PSAP: variants seen among roughly 807,000 people sequenced by gnomAD.
The protein encoded by PSAP is prosaposin.
In PSAP, 25 loss-of-function variants were observed where a neutral mutation model predicts 66.0. The ratio of observed to expected loss-of-function variants is 0.38; its 90% confidence interval spans 0.28 to 0.53. The LOEUF is 0.53. Among genes scored for constraint, PSAP ranks in the 20% least tolerant of loss-of-function variants. The pLI is 0.83. For missense variants in PSAP, 649 were observed against 668.8 expected (o/e 0.97, Z 0.33); for synonymous variants, 273 against 258.9 (o/e 1.05, Z -0.52).
At position 71,819,559 on chromosome 10, in the gene PSAP, A is replaced by G. The variant is rs1474118076; in HGVS notation, c.1256T>C (p.Leu419Ser). ...GCTGTTTTTCTCCAGGTTGCGATCC[A>G]AATAACCCACCAGCTTCTTGCACAC... ...CEVCKKLVGY[L>S]DRNLEKNSTK... Residue 419 changes from leucine (L) to serine (S), a missense_variant, in exon 11 of 14, where the codon TTG becomes TCG. Physicochemically the swap from Leu to Ser is moderately radical, Grantham distance 145. Transcript: ENST00000394936. 6.2e-7 allele frequency: 1 copy of G among 1,614,228 alleles called. No individual in the cohort carries two copies. Among genetic ancestry groups the G allele is most frequent in the Non-Finnish European group, 8.5e-7 (1 of 1,180,050 alleles).
intron 3 of PSAP, 92 bp downstream of exon 3, chr10:71,831,754 C>T: frequency 7.7e-7 from 1 of 1,304,800 alleles, no homozygotes; most frequent in Non-Finnish European, 1.1e-6. Flanking sequence ...AGGCCTACAC[C>T]ATTCCTCTTT....
At chr10:71,825,278 G>A (rs1439489492) in intron 7 of PSAP, among the ~76,000 whole-genome samples, 2 of 152,174 alleles carry the variant, frequency 1.3e-5, no homozygotes, top group Non-Finnish European at 2.9e-5. Context: ...CGTTCCCAAC[G>A]TGAGCAGGCC....
At chr10:71,835,219 AAAATAAATAAATAAAT>A (rs71018228) in intron 1 of PSAP, among the ~76,000 whole-genome samples, 2 of 147,280 alleles carry the variant, frequency 1.4e-5, no homozygotes, top group African/African-American at 5.0e-5. Context: ...TCCGTTTCAA[AAAATAAATAAATAAAT>A]AAATAAATAA....
In PSAP at chr10:71,819,814, G is replaced by A. The variant is rs200226479; in HGVS notation, c.1092C>T (p.Tyr364=). Residue 364 remains tyrosine, a synonymous_variant, in exon 10 of 14, where the codon TAC becomes TAT. Transcript: ENST00000394936. ...GCAGGATGGACAGGATGGAGCTGCC[G>A]TACGTGTCCACCACCTCCTGGCACT... ...SEECQEVVDT[Y]GSSILSILLE... The A allele has an allele frequency of 3.3e-5, 54 of 1,613,994 alleles. No individual in the cohort carries two copies. In the African/African-American group the frequency reaches 3.7e-4, roughly 11 times the overall value.
chr10:71,822,634 G>C (rs1322325587), intron 7 of PSAP: 1 of 472,172 alleles, frequency 2.1e-6, no homozygotes, highest in East Asian at 6.9e-5. Flanking sequence ...ACCAAACACA[G>C]AGCACTAGAT....
chr10:71,831,083 C>A, intron 4 of PSAP, 43 bp downstream of exon 4: 1 of 1,612,202 alleles, frequency 6.2e-7, no homozygotes, highest in Non-Finnish European at 8.5e-7. Flanking sequence ...TCTCCTGGGC[C>A]CCAGAAGCAC....
chr10:71,828,158 C>A lies in PSAP; in HGVS notation c.577-1G>T, dbSNP rs1589451049. On this transcript the variant is annotated splice_acceptor_variant, in intron 5 of 13. Coordinates refer to ENST00000394936, the MANE Select transcript of PSAP (RefSeq NM_002778.4). LOFTEE classifies it high-confidence loss of function. ...AGTCCTGGCAAACGTCCCCATTATCCTACAGAAGAGGCAGTTAGGTTTGCA... is the reference window on the plus strand; with the variant it reads ...AGTCCTGGCAAACGTCCCCATTATCATACAGAAGAGGCAGTTAGGTTTGCA... 1.2e-6 allele frequency: 2 copies of A among 1,614,154 alleles called. No homozygotes were observed.
chr10:71,836,815 T>C (rs1377594185), intron 1 of PSAP, among the ~76,000 whole-genome samples: 1 of 152,236 alleles, frequency 6.6e-6, no homozygotes, highest in African/African-American at 2.4e-5. Context: ...CAACACACTC[T>C]CACAGGCCCA....
chr10:71,822,443 C>T (rs1308525644), intron 7 of PSAP, among the ~76,000 whole-genome samples: 1 of 152,324 alleles, frequency 6.6e-6, no homozygotes, highest in Non-Finnish European at 1.5e-5. Flanking sequence ...AATAAAACCA[C>T]ACCAGATTTT....
At chr10:71,831,955 G>T (rs368856253) in intron 2 of PSAP, 35 bp from the exon 3 acceptor site, 8 of 1,587,366 alleles carry the variant, frequency 5.0e-6, no homozygotes, top group Non-Finnish European at 6.9e-6. Flanking sequence ...TGTATTTGCA[G>T]GACACAAATT....
chr10:71,816,603 G>T lies in PSAP; in HGVS notation c.*838C>A, dbSNP rs1842164560. 2.5e-6 allele frequency: 1 copy of T among 406,942 alleles called. No individual in the cohort carries two copies. The highest frequency in any genetic ancestry group is 2.9e-5 in the Admixed American group (1 of 35,076). 25.2% of individuals were successfully genotyped at this position (406,942 alleles called of 1,614,324 possible). A position where few individuals can be genotyped will look rare whatever the true frequency, so the allele number is the denominator to read the frequency against. On this transcript the variant is annotated 3_prime_UTR_variant, in exon 14 of 14. Transcript: ENST00000394936. The stretch of plus-strand genomic sequence containing the variant: ...AAAGGAGCATCTATGAGACAAGGGA[G>T]GGGTGCAGGCTGAAGCAGCGCCTCA...
chr10:71,846,422 C>T (rs1842824851), intron 1 of PSAP, among the ~76,000 whole-genome samples: 1 of 145,314 alleles, frequency 6.9e-6, no homozygotes, highest in South Asian at 2.1e-4. Context: ...GTTTTAAAGC[C>T]CTTAAAAAAA....
chr10:71,832,599 A>C (rs1842541991), intron 2 of PSAP, among the ~76,000 whole-genome samples: 1 of 152,198 alleles, frequency 6.6e-6, no homozygotes, highest in African/African-American at 2.4e-5. Flanking sequence ...AGTCAGGCTA[A>C]TACAGTCATC....
At chr10:71,828,855 A>G (rs1359075720) in intron 5 of PSAP, 22 bp downstream of exon 5, 4 of 1,613,200 alleles carry the variant, frequency 2.5e-6, no homozygotes, top group Non-Finnish European at 3.4e-6. Context: ...ATGGGTCCTC[A>G]GTGGCCAGCC....
chr10:71,848,695 G>A (rs866290171), intron 1 of PSAP, among the ~76,000 whole-genome samples: 30 of 152,254 alleles, frequency 2.0e-4, no homozygotes, highest in African/African-American at 6.5e-4. Context: ...AGTGCCTCTC[G>A]GGCAGCAGAC....
chr10:71,819,619 T>C lies in PSAP; in HGVS notation c.1196A>G (p.His399Arg), dbSNP rs756831806. ...GCCACCGTCCTTTGGCTGAGTCACG[T>C]GAACTACATAAGAGGGCAGCGGGCT... The part of the protein sequence containing the change: ...SGTRLPALTV[H>R]VTQPKDGGFC... The change falls in exon 11 of 14, where the codon CAC (histidine) becomes CGC (arginine). Residue 399 changes from histidine to arginine, a missense_variant. Physicochemically the swap from His to Arg is conservative, Grantham distance 29. Transcript: ENST00000394936. 19 of 1,614,050 alleles carry C rather than the reference T, an allele frequency of 1.2e-5. No individual in the cohort carries two copies. The highest frequency in any genetic ancestry group is 1.5e-5 in the Non-Finnish European group (18 of 1,180,024).
rs1842454083 is a variant in PSAP, at chr10:71,828,927, G to C, written c.526C>G (p.Pro176Ala). Reference sequence around the variant, plus strand: ...CCGTCCTGAGGGTAGAGGAGGAGAGGGATGTTGGCCATGAAGGGGGCCACC... The same window carrying C: ...CCGTCCTGAGGGTAGAGGAGGAGAGCGATGTTGGCCATGAAGGGGGCCACC... ...EVVAPFMANI[P>A]LLLYPQDGPR... is the part of the protein sequence containing the mutation. The change falls in exon 5 of 14, where the codon CCT (proline) becomes GCT (alanine). Residue 176 changes from proline (P) to alanine (A), a missense_variant. Physicochemically the swap from Pro to Ala is conservative, Grantham distance 27 (BLOSUM62 -1). Transcript: ENST00000394936. The C allele has an allele frequency of 1.9e-6, 3 of 1,614,030 alleles. No homozygotes were observed. In the African/African-American group the frequency reaches 4.0e-5, roughly 22 times the overall value.
In PSAP at chr10:71,833,189, C is replaced by T. The variant is rs528936294; in HGVS notation, c.174+1183G>A. ...AATCTGAAAGTAGTTTCAGGCCAGT[C>T]GTGGTAGCCCACGCCTGTAATCACA... On this transcript the variant is annotated intron_variant, in intron 2 of 13. Coordinates refer to ENST00000394936, the MANE Select transcript of PSAP (RefSeq NM_002778.4). Among the ~76,000 whole-genome samples, 8 of 152,246 alleles carry T rather than the reference C, an allele frequency of 5.3e-5. 1 individual carries two copies. In the East Asian group the frequency reaches 1.5e-3, roughly 29 times the overall value.
At chr10:71,825,776 A>T in intron 7 of PSAP, 61 bp downstream of exon 7, 1 of 1,494,088 alleles carries the variant, frequency 6.7e-7, no homozygotes, top group Non-Finnish European at 9.3e-7. Context: ...CAAAATTCCT[A>T]GAAATGACGA....
Sources: gnomAD v4.1 joint callset for allele counts (sites outside exome capture counted in the v4.1 genomes callset) on GRCh38, gnomAD v4.1.1 for gene constraint, MANE v1.5 for transcripts, NCBI Gene and HGNC (gene_info 2026-07-23, HGNC 2026-07-21) for gene names.